Variants in KIRREL1 observed in about 807,000 individuals in gnomAD.
The protein encoded by KIRREL1 is kirre like nephrin family adhesion molecule 1.
A neutral mutation model predicts 83.3 loss-of-function variants in KIRREL1; 25 were observed. The observed-to-expected ratio is 0.30, with a 90% CI of 0.22 to 0.42. The LOEUF (loss-of-function observed/expected upper bound fraction) is 0.42, where lower values mean the gene tolerates loss of function less well. KIRREL1 is among the 10% of genes least tolerant of loss of function. KIRREL1 has a pLI of 1.00. For synonymous variants in KIRREL1, 388 were observed against 410.4 expected (o/e 0.95, Z 0.66); for missense variants, 812 against 1,032.3 (o/e 0.79, Z 2.92).
At chr1:158,041,928 G>T (rs1342030935) in intron 1 of KIRREL1, among the ~76,000 whole-genome samples, 2 of 152,120 alleles carry the variant, frequency 1.3e-5, no homozygotes, top group African/African-American at 4.8e-5. Context: ...CAGTTGGTCT[G>T]GTTCAGAGAT....
In KIRREL1 at chr1:158,079,879, G is replaced by A. The variant is rs190734023; in HGVS notation, c.352+1739G>A. Among the ~76,000 whole-genome samples the A allele has an allele frequency of 3.3e-5, 5 of 152,322 alleles. No individual in the cohort carries two copies. The East Asian group carries it at 5.8e-4, about 18-fold the overall frequency. On this transcript the variant is annotated intron_variant, in intron 3 of 14. Coordinates refer to ENST00000359209, the MANE Select transcript of KIRREL1 (RefSeq NM_018240.7). ...ACTTGTAAACTGTGAAGGTCTGGGC[G>A]AATGTGAGATGTCAGAATAAGTGAG... is the stretch of plus-strand genomic sequence containing the variant.
chr1:158,018,862 G>A (rs17418759), intron 1 of KIRREL1, among the ~76,000 whole-genome samples: 3,551 of 152,286 alleles, frequency 0.023, 59 homozygotes, highest in Middle Eastern at 0.044. Context: ...GATGTGCTAC[G>A]AGAGAAGATG....
At position 158,078,074 on chromosome 1, in the gene KIRREL1, G is replaced by T; in HGVS notation, c.286G>T (p.Ala96Ser). Residue 96 changes from alanine (A) to serine (S), a missense_variant, in exon 3 of 15, where the codon GCC becomes TCC. By Grantham distance (99) the Ala-to-Ser change is moderately conservative. Transcript: ENST00000359209. ...CACAGATGCTGAGCTCTCTGACGACGCCTCTTACGAGTGCCAGGCCACGGA... is the reference window on the plus strand; with the variant it reads ...CACAGATGCTGAGCTCTCTGACGACTCCTCTTACGAGTGCCAGGCCACGGA... ...EITDAELSDDASYECQATEAA... is the reference protein window; with the variant it reads ...EITDAELSDDSSYECQATEAA... 6.2e-7 allele frequency: 1 copy of T among 1,614,086 alleles called. No homozygotes were observed. The highest frequency in any genetic ancestry group is 2.2e-5 in the East Asian group (1 of 44,880).
intron 1 of KIRREL1, among the ~76,000 whole-genome samples, chr1:158,036,678 C>T (rs1179059317): frequency 6.6e-6 from 1 of 152,138 alleles, no homozygotes; most frequent in Non-Finnish European, 1.5e-5. Context: ...ATGCTTGGTG[C>T]AGTCTCGGTC....
intron 1 of KIRREL1, among the ~76,000 whole-genome samples, chr1:158,034,641 T>G (rs560276180): frequency 3.3e-5 from 5 of 152,366 alleles, no homozygotes; most frequent in African/African-American, 1.2e-4. Flanking sequence ...CTGAGTTTTT[T>G]GTGGCTGAAG....
Position 158,099,501 on chromosome 1 carries a change from G to A in KIRREL1, c.*4381G>A, listed in dbSNP as rs963296115. The A allele has an allele frequency of 6.6e-6, 1 of 152,174 alleles. No homozygotes were observed. The highest frequency in any genetic ancestry group is 2.4e-5 in the African/African-American group (1 of 41,398). 9.4% of individuals were successfully genotyped at this position (152,174 alleles called of 1,614,324 possible). On this transcript the variant is annotated 3_prime_UTR_variant, in exon 15 of 15. Transcript: ENST00000359209. ...ATGTGTGGTTTGGTAGGAAGGGGGTGTGTGTGGGGGTTAGTGGGGAATCCC... is the reference window on the plus strand; with the variant it reads ...ATGTGTGGTTTGGTAGGAAGGGGGTATGTGTGGGGGTTAGTGGGGAATCCC...
intron 1 of KIRREL1, among the ~76,000 whole-genome samples, chr1:158,047,844 T>C (rs535380963): frequency 6.6e-6 from 1 of 152,316 alleles, no homozygotes; most frequent in South Asian, 2.1e-4. Flanking sequence ...ACAAAAGTAC[T>C]TTGGGGCCAG....
intron 4 of KIRREL1, among the ~76,000 whole-genome samples, chr1:158,085,089 A>C (rs1470036856): frequency 6.6e-6 from 1 of 152,242 alleles, no homozygotes; most frequent in Admixed American, 6.5e-5. Context: ...TATTCCAGTC[A>C]TCACAACAAA....
At chr1:158,030,034 TC>T (rs1419662771) in intron 1 of KIRREL1, among the ~76,000 whole-genome samples, 2 of 152,346 alleles carry the variant, frequency 1.3e-5, no homozygotes, top group Non-Finnish European at 2.9e-5. Flanking sequence ...CCTTACAAAA[TC>T]CCTGTGTATA....
chr1:158,043,822 T>G (rs1001988496), intron 1 of KIRREL1, among the ~76,000 whole-genome samples: 1 of 152,160 alleles, frequency 6.6e-6, no homozygotes, highest in Admixed American at 6.5e-5. Flanking sequence ...CAGCAGCATC[T>G]CTGTGAGAGA....
intron 1 of KIRREL1, among the ~76,000 whole-genome samples, chr1:158,018,103 C>A (rs1386488803): frequency 6.6e-6 from 1 of 152,082 alleles, no homozygotes; most frequent in East Asian, 1.9e-4. Flanking sequence ...CTTTGATTTC[C>A]TTTTTAGCCA....
chr1:158,067,961 C>T (rs958799075), intron 1 of KIRREL1, among the ~76,000 whole-genome samples: 3 of 152,206 alleles, frequency 2.0e-5, no homozygotes, highest in Non-Finnish European at 2.9e-5. Flanking sequence ...GATTCCCCTA[C>T]GGCTGTCCCT....
rs1023302166 is a variant in KIRREL1, at chr1:158,099,845, TCC to T, written c.*4727_*4728del. ...AACTCTGGGGAAAGAGCAGCCAAAA[TCC>T]CAATACAGTAAAACTCCACACAATC... On this transcript the variant is annotated 3_prime_UTR_variant, in exon 15 of 15. Coordinates refer to ENST00000359209, the MANE Select transcript of KIRREL1 (RefSeq NM_018240.7). The T allele has an allele frequency of 6.6e-6, 1 of 151,924 alleles. No individual in the cohort carries two copies. 9.4% of individuals were successfully genotyped at this position (151,924 alleles called of 1,614,324 possible).
chr1:158,011,836 C>T (rs973070954), intron 1 of KIRREL1, among the ~76,000 whole-genome samples: 14 of 152,192 alleles, frequency 9.2e-5, no homozygotes, highest in African/African-American at 2.9e-4. Context: ...GACGTAGTCA[C>T]ACGCAGAAGC....
intron 1 of KIRREL1, among the ~76,000 whole-genome samples, chr1:158,075,459 C>T (rs1661652123): frequency 6.6e-6 from 1 of 152,236 alleles, no homozygotes; most frequent in African/African-American, 2.4e-5. Flanking sequence ...GAGCAGGGCA[C>T]ATGTGCCAAG....
chr1:158,031,057 C>T (rs1660307854), intron 1 of KIRREL1: 2 of 152,192 alleles, frequency 1.3e-5, no homozygotes, highest in Admixed American at 1.3e-4. Context: ...CTCCTCTCCC[C>T]TGTTCATTAA....
intron 10 of KIRREL1, among the ~76,000 whole-genome samples, chr1:158,090,123 T>C (rs184129444): frequency 1.3e-5 from 2 of 152,272 alleles, no homozygotes; most frequent in African/African-American, 4.8e-5. Context: ...AGGTGTGAGA[T>C]GCCTAGGCCA....
intron 4 of KIRREL1, among the ~76,000 whole-genome samples, chr1:158,084,942 A>C (rs773713377): frequency 1.3e-5 from 2 of 152,184 alleles, no homozygotes; most frequent in Non-Finnish European, 2.9e-5. Flanking sequence ...AAAGGAGGAA[A>C]CTTGCGCTCA....
chr1:158,067,076 A>C (rs1045754221), intron 1 of KIRREL1, among the ~76,000 whole-genome samples: 1 of 152,174 alleles, frequency 6.6e-6, no homozygotes, highest in African/African-American at 2.4e-5. Flanking sequence ...GGTCTGGCGC[A>C]GGTGCCCTGA....
Sources: gnomAD v4.1 joint callset for allele counts (sites outside exome capture counted in the v4.1 genomes callset) on GRCh38, gnomAD v4.1.1 for gene constraint, MANE v1.5 for transcripts, NCBI Gene and HGNC (gene_info 2026-07-23, HGNC 2026-07-21) for gene names.